XKR4: variants seen among roughly 807,000 people sequenced by gnomAD.
XKR4 encodes XK-related protein 4.
Under a neutral mutation model 53.9 loss-of-function variants are expected in XKR4, and 12 were observed. The observed-to-expected ratio is 0.22, with a 90% CI of 0.14 to 0.36. XKR4 has a LOEUF of 0.36. XKR4 is among the 10% of genes least tolerant of loss of function. XKR4 has a pLI of 1.00. For synonymous variants in XKR4, 354 were observed against 362.4 expected, an observed-to-expected ratio of 0.98 and a Z score of 0.26; for missense variants, 799 against 859.5, an observed-to-expected ratio of 0.93 and a Z score of 0.88.
chr8:55,230,904 C>T (rs1249386668), intron 1 of XKR4, among the ~76,000 whole-genome samples: 3 of 152,060 alleles, frequency 2.0e-5, no homozygotes, highest in Non-Finnish European at 4.4e-5. Context: ...CAAGCACTCA[C>T]GGTCCTTTCA....
intron 2 of XKR4, among the ~76,000 whole-genome samples, chr8:55,501,775 T>C (rs1806442256): frequency 6.6e-6 from 1 of 152,194 alleles, no homozygotes; most frequent in South Asian, 2.1e-4. Context: ...TTGTGAGTAA[T>C]GCTGTTATGA....
chr8:55,109,799 T>A (rs1401026313), intron 1 of XKR4, among the ~76,000 whole-genome samples: 1 of 152,202 alleles, frequency 6.6e-6, no homozygotes, highest in African/African-American at 2.4e-5. Flanking sequence ...TTTTGAACAA[T>A]GTCCACAAAT....
chr8:55,448,485 C>T (rs2129395830), intron 2 of XKR4, among the ~76,000 whole-genome samples: 1 of 152,336 alleles, frequency 6.6e-6, no homozygotes, highest in Admixed American at 6.5e-5. Flanking sequence ...CCAAAATCTG[C>T]ACATCTGCGT....
intron 2 of XKR4, among the ~76,000 whole-genome samples, chr8:55,377,791 A>G (rs28535919): frequency 0.098 from 14,905 of 152,192 alleles, 2,420 homozygotes; most frequent in African/African-American, 0.34. Context: ...CCTTGTGAAT[A>G]CAGGAGAAAA....
intron 1 of XKR4, among the ~76,000 whole-genome samples, chr8:55,205,962 C>T (rs1434651609): frequency 6.6e-6 from 1 of 152,120 alleles, no homozygotes; most frequent in East Asian, 1.9e-4. Context: ...GTCTCGCTGA[C>T]TTCAGGAGTC....
intron 2 of XKR4, among the ~76,000 whole-genome samples, chr8:55,449,099 A>T (rs565484267): frequency 6.6e-6 from 1 of 151,260 alleles, no homozygotes; most frequent in African/African-American, 2.4e-5. Context: ...AAAAAAAAAC[A>T]TATAAAATTG....
intron 2 of XKR4, chr8:55,520,841 G>A (rs576181923): frequency 2.0e-4 from 30 of 152,416 alleles, no homozygotes; most frequent in Non-Finnish European, 3.7e-4. Context: ...GAGATTACAG[G>A]GTAATTTGAA....
At chr8:55,470,949 A>G (rs539062435) in intron 2 of XKR4, among the ~76,000 whole-genome samples, 1 of 152,288 alleles carries the variant, frequency 6.6e-6, no homozygotes, top group Non-Finnish European at 1.5e-5. Flanking sequence ...CCTCACCTTG[A>G]GTCTGTAGAC....
intron 1 of XKR4, among the ~76,000 whole-genome samples, chr8:55,283,232 T>C (rs1245205670): frequency 1.3e-5 from 2 of 152,232 alleles, no homozygotes; most frequent in African/African-American, 2.4e-5. Context: ...TAATTTATTG[T>C]GTTATTATCA....
At chr8:55,445,272 T>G (rs1029570959) in intron 2 of XKR4, among the ~76,000 whole-genome samples, 2 of 152,092 alleles carry the variant, frequency 1.3e-5, no homozygotes, top group African/African-American at 4.8e-5. Flanking sequence ...TTAGCCAGGA[T>G]GGTCTCGATC....
chr8:55,271,090 C>T (rs1235286696), intron 1 of XKR4, among the ~76,000 whole-genome samples: 1 of 151,322 alleles, frequency 6.6e-6, no homozygotes, highest in East Asian at 1.9e-4. Context: ...CAGACTTCCC[C>T]TTTTTTTTTA....
At chr8:55,194,375 A>G (rs1817479515) in intron 1 of XKR4, among the ~76,000 whole-genome samples, 1 of 152,134 alleles carries the variant, frequency 6.6e-6, no homozygotes, top group African/African-American at 2.4e-5. Flanking sequence ...AGAGGACCTC[A>G]CAGCCAAGGC....
intron 2 of XKR4, chr8:55,452,368 C>G (rs576293120): frequency 1.9e-4 from 121 of 631,248 alleles, no homozygotes; most frequent in Middle Eastern, 5.4e-4. Flanking sequence ...GTGAGCATCC[C>G]CGTGAAGATG....
chr8:55,375,274 C>T (rs145531100), intron 2 of XKR4, among the ~76,000 whole-genome samples: 9 of 152,328 alleles, frequency 5.9e-5, no homozygotes, highest in African/African-American at 1.2e-4. Flanking sequence ...CATCTGACAA[C>T]GGAGCGTGCA....
At chr8:55,403,466 T>C (rs1296132115) in intron 2 of XKR4, among the ~76,000 whole-genome samples, 1 of 152,168 alleles carries the variant, frequency 6.6e-6, no homozygotes, top group Non-Finnish European at 1.5e-5. Flanking sequence ...GAAGGACAAA[T>C]AAAAAATAAA....
intron 1 of XKR4, among the ~76,000 whole-genome samples, chr8:55,223,119 A>C (rs925716163): frequency 6.6e-6 from 1 of 152,212 alleles, no homozygotes; most frequent in Non-Finnish European, 1.5e-5. Flanking sequence ...CCCTGATGCT[A>C]TCAGCACAGG....
At chr8:55,331,988 C>T (rs745455413) in intron 1 of XKR4, among the ~76,000 whole-genome samples, 5 of 151,992 alleles carry the variant, frequency 3.3e-5, no homozygotes, top group Admixed American at 6.6e-5. Flanking sequence ...TTGTTGTTTT[C>T]TGTATGTCTT....
At chr8:55,382,997 G>A (rs1405645782) in intron 2 of XKR4, among the ~76,000 whole-genome samples, 1 of 152,124 alleles carries the variant, frequency 6.6e-6, no homozygotes, top group Non-Finnish European at 1.5e-5. Flanking sequence ...TGGATCATTT[G>A]AAGTTAGGAG....
At chr8:55,264,862 G>A (rs1818575878) in intron 1 of XKR4, among the ~76,000 whole-genome samples, 1 of 152,138 alleles carries the variant, frequency 6.6e-6, no homozygotes, top group Admixed American at 6.5e-5. Context: ...CTTTGTATTT[G>A]CTTTTGAAGA....
Sources: allele counts gnomAD v4.1 joint callset (sites outside exome capture counted in the v4.1 genomes callset), GRCh38; gene constraint gnomAD v4.1.1; transcripts MANE v1.5; gene names NCBI Gene and HGNC (gene_info 2026-07-23, HGNC 2026-07-21).